The following DYNC2I1 variants were observed in gnomAD, a reference collection of about 807,000 sequenced individuals.
DYNC2I1 encodes dynein 2 intermediate chain 1, also known as cytoplasmic dynein 2 intermediate chain 1.
A neutral mutation model predicts 133.4 loss-of-function variants in DYNC2I1; 89 were observed. The observed-to-expected ratio is 0.67, with a 90% CI of 0.56 to 0.80. The LOEUF is 0.80. Among genes scored for constraint, DYNC2I1 ranks in the 30% least tolerant of loss-of-function variants. The probability of loss-of-function intolerance (pLI) is 0.00; values close to 1 mark genes in which losing one functional copy is unlikely to be tolerated. For missense variants in DYNC2I1, 1,291 were observed against 1,314.5 expected (o/e 0.98, Z 0.28); for synonymous variants, 504 against 484.3 (o/e 1.04, Z -0.54).
At chr7:158,911,482 T>G in intron 11 of DYNC2I1, 68 bp from the exon 12 acceptor site, 1 of 1,532,086 alleles carries the variant, frequency 6.5e-7, no homozygotes, top group Non-Finnish European at 8.8e-7. Context: ...TTTACTTCTG[T>G]TCTCCCTACA....
intron 1 of DYNC2I1, among the ~76,000 whole-genome samples, chr7:158,865,693 C>A (rs1478547113): frequency 6.6e-6 from 1 of 152,216 alleles, no homozygotes; most frequent in Non-Finnish European, 1.5e-5. Context: ...TGCTGGGGAA[C>A]TTTGCCCTTT....
At chr7:158,943,832 C>T (rs928033338) in intron 24 of DYNC2I1, among the ~76,000 whole-genome samples, 1 of 152,154 alleles carries the variant, frequency 6.6e-6, no homozygotes, top group Non-Finnish European at 1.5e-5. Context: ...TGACTGGCTG[C>T]CCTGGAGCTC....
intron 1 of DYNC2I1, among the ~76,000 whole-genome samples, chr7:158,867,616 C>T (rs895268295): frequency 5.3e-5 from 8 of 152,074 alleles, no homozygotes; most frequent in African/African-American, 1.9e-4. Flanking sequence ...CTTTACTGTC[C>T]TCATGGTTCC....
At chr7:158,871,628 A>G in intron 3 of DYNC2I1, 66 bp downstream of exon 3, 1 of 1,311,560 alleles carries the variant, frequency 7.6e-7, no homozygotes, top group Non-Finnish European at 9.9e-7. Flanking sequence ...TGACAGGTTG[A>G]TAGCTCGCTG....
chr7:158,941,602 C>T (rs1039934381), intron 23 of DYNC2I1, among the ~76,000 whole-genome samples: 2 of 152,190 alleles, frequency 1.3e-5, no homozygotes, highest in Non-Finnish European at 2.9e-5. Flanking sequence ...AAAAAAGAGG[C>T]TGGGCATGAT....
chr7:158,947,137 T>G (rs745979021), downstream of DYNC2I1, among the ~76,000 whole-genome samples: 3 of 152,216 alleles, frequency 2.0e-5, no homozygotes, highest in Non-Finnish European at 4.4e-5. Context: ...ATGGCTGGAA[T>G]TTGTTCATCT....
chr7:158,893,488 C>T (rs916084734), intron 8 of DYNC2I1, among the ~76,000 whole-genome samples: 4 of 152,174 alleles, frequency 2.6e-5, no homozygotes, highest in Non-Finnish European at 4.4e-5. Flanking sequence ...AATCATTTGA[C>T]ACAAAACCTA....
chr7:158,873,850 T>C (rs1843095176), intron 3 of DYNC2I1, among the ~76,000 whole-genome samples: 1 of 150,772 alleles, frequency 6.6e-6, no homozygotes, highest in African/African-American at 2.4e-5. Context: ...TCCGCCTCCC[T>C]GGTTCAAGTG....
chr7:158,942,290 C>T (rs535229277), intron 24 of DYNC2I1, 142 bp downstream of exon 24: 5 of 663,366 alleles, frequency 7.5e-6, no homozygotes, highest in African/African-American at 1.8e-5. Flanking sequence ...ATAATATGTT[C>T]AGTTAAAAAT....
At chr7:158,927,907 A>G (rs1258256776) in intron 20 of DYNC2I1, among the ~76,000 whole-genome samples, 3 of 152,154 alleles carry the variant, frequency 2.0e-5, no homozygotes, top group Non-Finnish European at 4.4e-5. Flanking sequence ...GCTGAGTACC[A>G]TTCAGTTCTG....
chr7:158,922,681 C>G (rs542918301), intron 16 of DYNC2I1, 132 bp downstream of exon 16: 2 of 851,826 alleles, frequency 2.3e-6, no homozygotes, highest in African/African-American at 3.4e-5. Context: ...GGGCCATTCT[C>G]TGTCTCTCAC....
chr7:158,859,091 G>A (rs539065070), intron 1 of DYNC2I1, among the ~76,000 whole-genome samples: 1 of 145,748 alleles, frequency 6.9e-6, no homozygotes, highest in Non-Finnish European at 1.5e-5. Context: ...AACCTCCCAG[G>A]CTCAAGCAAC....
chr7:158,919,743 C>G (rs2129486214), intron 15 of DYNC2I1, among the ~76,000 whole-genome samples: 1 of 152,364 alleles, frequency 6.6e-6, no homozygotes, highest in East Asian at 1.9e-4. Flanking sequence ...GTTAATTTAA[C>G]AAGTCTTCAC....
At chr7:158,955,355 G>T (rs1262638281) in intron 4 of DYNC2I1, among the ~76,000 whole-genome samples, 1 of 152,182 alleles carries the variant, frequency 6.6e-6, no homozygotes, top group African/African-American at 2.4e-5. Context: ...CCATCCGCTG[G>T]CCCTGAACCG....
At chr7:158,953,903 A>G (rs941468479) in intron 4 of DYNC2I1, among the ~76,000 whole-genome samples, 1 of 152,146 alleles carries the variant, frequency 6.6e-6, no homozygotes, top group Non-Finnish European at 1.5e-5. Flanking sequence ...TATACATACA[A>G]GCATACGTGT....
intron 4 of DYNC2I1, among the ~76,000 whole-genome samples, chr7:158,952,461 G>T (rs1852082319): frequency 1.3e-5 from 2 of 152,210 alleles, no homozygotes; most frequent in Non-Finnish European, 2.9e-5. Flanking sequence ...TTCCGTGGCT[G>T]AGATGGGGTC....
intron 5 of DYNC2I1, among the ~76,000 whole-genome samples, chr7:158,883,497 TGTGAGTCATG>T (rs1417564158): frequency 2.6e-5 from 4 of 151,226 alleles, no homozygotes; most frequent in Non-Finnish European, 5.9e-5. Context: ...GTGTTACAGG[TGTGAGTCATG>T]GTGCCTGGCC....
At chr7:158,931,623 C>T (rs1393136608) in intron 21 of DYNC2I1, among the ~76,000 whole-genome samples, 2 of 152,138 alleles carry the variant, frequency 1.3e-5, no homozygotes, top group Non-Finnish European at 2.9e-5. Flanking sequence ...TTCTCCTGTA[C>T]TTAACTACAC....
intron 1 of DYNC2I1, among the ~76,000 whole-genome samples, chr7:158,861,098 A>G (rs1418597045): frequency 6.6e-6 from 1 of 152,244 alleles, no homozygotes; most frequent in Non-Finnish European, 1.5e-5. Context: ...GGCTGTCAGA[A>G]TAATTTACTG....
Sources: gnomAD v4.1 joint callset for allele counts (sites outside exome capture counted in the v4.1 genomes callset) on GRCh38, gnomAD v4.1.1 for gene constraint, MANE v1.5 for transcripts, NCBI Gene and HGNC (gene_info 2026-07-23, HGNC 2026-07-21) for gene names.